The following PLCB4 variants were observed in gnomAD, a reference collection of about 807,000 sequenced individuals.
PLCB4 encodes 1-phosphatidylinositol 4,5-bisphosphate phosphodiesterase beta-4.
PLCB4 carries 77 observed loss-of-function variants against 178.8 expected under a neutral mutation model. The observed-to-expected ratio is 0.43, with a 90% CI of 0.36 to 0.52. PLCB4 has a LOEUF of 0.52. Ranked by LOEUF, PLCB4 falls within the 20% of genes least tolerant of loss-of-function variation. PLCB4 has a pLI of 0.00. For missense variants in PLCB4, 1,024 were observed against 1,453.4 expected, an observed-to-expected ratio of 0.70 and a Z score of 4.80; for synonymous variants, 496 against 490.8, an observed-to-expected ratio of 1.01 and a Z score of -0.14.
intron 1 of PLCB4, among the ~76,000 whole-genome samples, chr20:9,084,070 A>T: frequency 6.6e-6 from 1 of 152,244 alleles, no homozygotes; most frequent in Non-Finnish European, 1.5e-5. Context: ...TGGCATTTGA[A>T]CACATGTTCC....
chr20:9,197,373 T>C (rs1368271040), intron 2 of PLCB4, among the ~76,000 whole-genome samples: 1 of 152,194 alleles, frequency 6.6e-6, no homozygotes, highest in Non-Finnish European at 1.5e-5. Context: ...TTGAGATGTG[T>C]CTGCAAGTAT....
At chr20:9,249,356 G>A (rs934659401) in intron 3 of PLCB4, among the ~76,000 whole-genome samples, 3 of 152,240 alleles carry the variant, frequency 2.0e-5, no homozygotes, top group African/African-American at 7.2e-5. Context: ...CGCCTAGGCT[G>A]GTGTGTAGTG....
intron 38 of PLCB4, 136 bp from the exon 39 acceptor site, chr20:9,476,581 A>G: frequency 1.6e-6 from 1 of 623,986 alleles, no homozygotes; most frequent in East Asian, 2.8e-5. Flanking sequence ...AGGGGTGTGT[A>G]CATGTTTTAT....
chr20:9,339,165 G>A, intron 7 of PLCB4, 128 bp downstream of exon 7: 1 of 757,482 alleles, frequency 1.3e-6, no homozygotes, highest in Non-Finnish European at 2.1e-6. Flanking sequence ...TTGCTTTGCT[G>A]ACATGTTTCT....
chr20:9,362,778 G>A, intron 7 of PLCB4, 118 bp from the exon 8 acceptor site: 2 of 677,632 alleles, frequency 3.0e-6, no homozygotes, highest in South Asian at 3.3e-5. Flanking sequence ...ACAGGAAAGG[G>A]ACAAAAGAAG....
intron 17 of PLCB4, among the ~76,000 whole-genome samples, chr20:9,392,928 G>A (rs1338899484): frequency 1.3e-5 from 2 of 151,960 alleles, no homozygotes; most frequent in African/African-American, 4.8e-5. Flanking sequence ...ATAGAGAGAT[G>A]GGTGGAGGAA....
chr20:9,385,554 G>A (rs1308172618), intron 14 of PLCB4, among the ~76,000 whole-genome samples: 11 of 146,388 alleles, frequency 7.5e-5, no homozygotes, highest in Middle Eastern at 4.0e-3. Context: ...GGTGGCGGCC[G>A]GGCAAAGGCT....
chr20:9,158,198 C>T (rs1421061967), intron 2 of PLCB4, among the ~76,000 whole-genome samples: 9 of 152,110 alleles, frequency 5.9e-5, no homozygotes, highest in Admixed American at 5.2e-4. Flanking sequence ...TTCCCAATAT[C>T]AGTCATACAG....
At chr20:9,290,197 T>C (rs1248050552) in intron 3 of PLCB4, among the ~76,000 whole-genome samples, 5 of 149,930 alleles carry the variant, frequency 3.3e-5, no homozygotes, top group African/African-American at 1.2e-4. Context: ...AAAAAACTAA[T>C]TGATTGCAGA....
chr20:9,261,145 C>T (rs1201714000), intron 3 of PLCB4, among the ~76,000 whole-genome samples: 1 of 152,068 alleles, frequency 6.6e-6, no homozygotes, highest in Non-Finnish European at 1.5e-5. Context: ...GTGAGCAGAT[C>T]ACATTAATGT....
At chr20:9,310,884 A>G (rs1023841432) in intron 4 of PLCB4, among the ~76,000 whole-genome samples, 11 of 152,216 alleles carry the variant, frequency 7.2e-5, no homozygotes, top group Non-Finnish European at 1.6e-4. Flanking sequence ...TTTTTGAGGC[A>G]GCCAGATTTT....
intron 3 of PLCB4, among the ~76,000 whole-genome samples, chr20:9,266,249 C>CT (rs1226757254): frequency 2.6e-5 from 4 of 151,846 alleles, no homozygotes; most frequent in African/African-American, 4.8e-5. Context: ...TGAGAATCTG[C>CT]TTTTTTTTGT....
intron 4 of PLCB4, among the ~76,000 whole-genome samples, chr20:9,322,241 G>A (rs73095704): frequency 0.052 from 7,891 of 150,532 alleles, 293 homozygotes; most frequent in Non-Finnish European, 0.082. Context: ...TTATAGGCAT[G>A]AGCCACTGTG....
chr20:9,428,450 G>A (rs974649182), intron 28 of PLCB4, among the ~76,000 whole-genome samples: 35 of 152,124 alleles, frequency 2.3e-4, no homozygotes, highest in Middle Eastern at 3.2e-3. Context: ...TGGCTCCTGG[G>A]ATGTATGGTG....
At chr20:9,459,500 G>T in intron 34 of PLCB4, 135 bp from the exon 35 acceptor site, 2 of 511,146 alleles carry the variant, frequency 3.9e-6, no homozygotes, top group Non-Finnish European at 7.0e-6. Context: ...ATTATTTTTT[G>T]GTGGTTATAG....
intron 2 of PLCB4, among the ~76,000 whole-genome samples, chr20:9,165,616 TA>T (rs1474524903): frequency 6.6e-6 from 1 of 152,188 alleles, no homozygotes; most frequent in African/African-American, 2.4e-5. Context: ...ATAAGCATAC[TA>T]AAAACTTGGA....
intron 2 of PLCB4, among the ~76,000 whole-genome samples, chr20:9,194,849 CATTT>C (rs914454733): frequency 6.6e-6 from 1 of 152,042 alleles, no homozygotes; most frequent in African/African-American, 2.4e-5. Context: ...TATGAGAAGA[CATTT>C]GTTTGTTTGC....
chr20:9,293,938 CG>C (rs931822317), intron 3 of PLCB4, among the ~76,000 whole-genome samples: 1 of 151,770 alleles, frequency 6.6e-6, no homozygotes, highest in African/African-American at 2.4e-5. Context: ...TGCTCAGTAC[CG>C]GGGGGCAAGG....
At chr20:9,446,086 T>C (rs2042397307) in intron 32 of PLCB4, among the ~76,000 whole-genome samples, 1 of 152,224 alleles carries the variant, frequency 6.6e-6, no homozygotes, top group African/African-American at 2.4e-5. Flanking sequence ...TGCTCAGTAA[T>C]TCTCAGATGC....
Sources: allele counts gnomAD v4.1 joint callset (sites outside exome capture counted in the v4.1 genomes callset), GRCh38; gene constraint gnomAD v4.1.1; transcripts MANE v1.5; gene names NCBI Gene and HGNC (gene_info 2026-07-23, HGNC 2026-07-21).